RASGRP2: variants seen among roughly 807,000 people sequenced by gnomAD.
RASGRP2 encodes RAS guanyl-releasing protein 2.
In RASGRP2, 44 loss-of-function variants were observed where a neutral mutation model predicts 71.0. That is an observed-to-expected ratio of 0.62 (90% confidence interval 0.49 to 0.80). The LOEUF (loss-of-function observed/expected upper bound fraction) is 0.80. Ranked by LOEUF, RASGRP2 falls within the 30% of genes least tolerant of loss-of-function variation. RASGRP2 has a pLI of 0.00. For missense variants in RASGRP2, 663 were observed against 813.4 expected, an observed-to-expected ratio of 0.82 and a Z score of 2.25; for synonymous variants, 350 against 330.7, an observed-to-expected ratio of 1.06 and a Z score of -0.63.
At chr11:64,727,501 G>C in intron 15 of RASGRP2, 141 bp from the exon 16 acceptor site, 48 of 518,596 alleles carry the variant, frequency 9.3e-5, no homozygotes, top group East Asian at 2.2e-4. Context: ...TGACCTCACA[G>C]CCCAATTTTT....
rs34152691 is a variant in RASGRP2, at chr11:64,729,713, CAAAA to C, written c.1591+45_1591+48del. 93,686 of 1,575,082 alleles carry C rather than the reference CAAAA, an allele frequency of 0.059. 3,323 individuals are homozygous for C. The highest frequency in any genetic ancestry group is 0.067 in the Non-Finnish European group (77,589 of 1,153,790). On this transcript the variant is annotated intron_variant, in intron 14 of 16. Transcript: ENST00000394432. ...ACAGTAACTCTCCCAAACAAACAAA[CAAAA>C]AAAAAAAACACTGCCCAGCAGCCCT...
chr11:64,742,741 G>A lies in RASGRP2; in HGVS notation c.73+53C>T. ...ACTGTGCCTGGGAGGCAGGGACCCG[G>A]GCTCAGACTCGGGGCTAGGCTCAGG... On this transcript the variant is annotated intron_variant, in intron 2 of 16. Transcript: ENST00000394432. The surrounding 1 kb of genome is among the most constrained non-coding windows in gnomAD (Gnocchi z 4.7). The A allele has an allele frequency of 6.4e-7, 1 of 1,564,766 alleles. No individual in the cohort carries two copies. Among genetic ancestry groups the A allele is most frequent in the Non-Finnish European group, 8.7e-7 (1 of 1,155,048 alleles).
rs775526367 is a variant in RASGRP2, at chr11:64,735,250, C to T, written c.1297-23G>A. On this transcript the variant is annotated intron_variant, in intron 11 of 16. Transcript: ENST00000394432. The surrounding 1 kb of genome is among the most constrained non-coding windows in gnomAD (Gnocchi z 4.2). ...AGACTGGGGCACGCAGAGGGACACG[C>T]AGAGCCAGAAGAGGGGAGAGTAAAG... 20 of 1,583,986 alleles carry T rather than the reference C, an allele frequency of 1.3e-5. No homozygotes were observed. The highest frequency in any genetic ancestry group is 1.1e-5 in the Non-Finnish European group (13 of 1,152,664).
chr11:64,739,919 C>A lies in RASGRP2; in HGVS notation c.522+94G>T. 2 of 1,608,712 alleles carry A rather than the reference C, an allele frequency of 1.2e-6. No individual in the cohort carries two copies. Among genetic ancestry groups the A allele is most frequent in the South Asian group, 1.1e-5 (1 of 90,710 alleles). On this transcript the variant is annotated intron_variant, in intron 6 of 16. Coordinates refer to ENST00000394432, the MANE Select transcript of RASGRP2 (RefSeq NM_001098671.2). The surrounding 1 kb of genome is among the most constrained non-coding windows in gnomAD (Gnocchi z 4.2). ...TGGTTACACTGAAACCCCTGATGCA[C>A]CCTGTGACCCAGCCTACGCCAGGGA... is the stretch of plus-strand genomic sequence containing the variant.
chr11:64,738,730 C>T (rs893677677), intron 8 of RASGRP2, among the ~76,000 whole-genome samples: 4 of 152,090 alleles, frequency 2.6e-5, no homozygotes, highest in Admixed American at 6.6e-5. Flanking sequence ...TGAGCTACTA[C>T]GCCCAGTCTC....
Position 64,736,921 on chromosome 11 carries a change from C to G in RASGRP2, c.927G>C (p.Lys309Asn). ...FRFPILGVHL[K>N]DLVALQLALP... Reference sequence around the variant, plus strand: ...GTGCCAGCTGCAGGGCCACCAGGTCCTTGAGGTGCACACCCAGGATCGGGA... The same window carrying G: ...GTGCCAGCTGCAGGGCCACCAGGTCGTTGAGGTGCACACCCAGGATCGGGA... The change falls in exon 9 of 17, where the codon AAG (lysine) becomes AAC (asparagine). Residue 309 changes from lysine to asparagine, a missense_variant. Lys to Asn is a moderately conservative substitution (Grantham distance 94, BLOSUM62 0). Transcript: ENST00000394432. The G allele has an allele frequency of 6.2e-7, 1 of 1,613,980 alleles. No individual in the cohort carries two copies. The highest frequency in any genetic ancestry group is 8.5e-7 in the Non-Finnish European group (1 of 1,180,048).
intron 15 of RASGRP2, 127 bp from the exon 16 acceptor site, chr11:64,727,487 T>C: frequency 1.5e-6 from 1 of 664,826 alleles, no homozygotes. Context: ...ATCAATTCCC[T>C]GCATGACCTC....
Position 64,742,723 on chromosome 11 carries a change from C to G in RASGRP2, c.73+71G>C. On this transcript the variant is annotated intron_variant, in intron 2 of 16. Transcript: ENST00000394432. The surrounding 1 kb of genome is among the most constrained non-coding windows in gnomAD (Gnocchi z 4.7). ...GTCAGGGCTGTGCCCTGGACTGTGCCTGGGAGGCAGGGACCCGGGCTCAGA... is the reference window on the plus strand; with the variant it reads ...GTCAGGGCTGTGCCCTGGACTGTGCGTGGGAGGCAGGGACCCGGGCTCAGA... The G allele has an allele frequency of 6.4e-7, 1 of 1,552,356 alleles. No individual in the cohort carries two copies. The highest frequency in any genetic ancestry group is 8.7e-7 in the Non-Finnish European group (1 of 1,147,634).
At chr11:64,734,904 C>G (rs1565506577) in intron 12 of RASGRP2, among the ~76,000 whole-genome samples, 1 of 152,194 alleles carries the variant, frequency 6.6e-6, no homozygotes, top group Non-Finnish European at 1.5e-5. Flanking sequence ...TGGAGCCCCC[C>G]ATCTGTCTGA....
At position 64,729,650 on chromosome 11, in the gene RASGRP2, T is replaced by G; in HGVS notation, c.1591+112A>C. The G allele has an allele frequency of 1.0e-5, 14 of 1,359,862 alleles. No homozygotes were observed. The South Asian group carries it at 1.6e-4, about 16-fold the overall frequency. 84.2% of individuals were successfully genotyped at this position (1,359,862 alleles called of 1,614,324 possible). A position where few individuals can be genotyped will look rare whatever the true frequency, so the allele number is the denominator to read the frequency against. On this transcript the variant is annotated intron_variant, in intron 14 of 16. Coordinates refer to ENST00000394432, the MANE Select transcript of RASGRP2 (RefSeq NM_001098671.2). ...CCATGCCCGGCCATGCGCCTCTGAT[T>G]TTAAGGTACTTCACTCCTTGGCAAT...
chr11:64,741,318 C>T, intron 4 of RASGRP2, 121 bp downstream of exon 4: 1 of 1,226,120 alleles, frequency 8.2e-7, no homozygotes, highest in Non-Finnish European at 1.2e-6. Flanking sequence ...ACTGCCCACC[C>T]GGACAAGCCA....
intron 5 of RASGRP2, 99 bp downstream of exon 5, chr11:64,740,849 A>C: frequency 6.7e-7 from 1 of 1,500,252 alleles, no homozygotes; most frequent in East Asian, 2.3e-5. Context: ...GCGAGAGAGC[A>C]ACATGACCCT....
Position 64,742,985 on chromosome 11 carries a change from G to T in RASGRP2, c.-71-48C>A, listed in dbSNP as rs936393883. On this transcript the variant is annotated intron_variant, in intron 1 of 16. Coordinates refer to ENST00000394432, the MANE Select transcript of RASGRP2 (RefSeq NM_001098671.2). The surrounding 1 kb of genome is among the most constrained non-coding windows in gnomAD (Gnocchi z 4.7). The stretch of plus-strand genomic sequence containing the variant: ...GGAGTCTGCGGAGTCGCGGGCGGGG[G>T]AGCGGCCCCGCGGGCAGAAACGGGG... 2.0e-6 allele frequency: 3 copies of T among 1,505,462 alleles called. No individual in the cohort carries two copies. The highest frequency in any genetic ancestry group is 2.5e-5 in the South Asian group (2 of 80,540). The allele number at this position is 1,505,462 out of a possible 1,614,324, so 93.3% of individuals were successfully genotyped here.
rs1437336367 is a variant in RASGRP2 at position 64,730,166 on chromosome 11, C to A, written c.1441G>T (p.Val481Phe). The change falls in exon 13 of 17, where the codon GTT becomes TTT. Residue 481 changes from valine (V) to phenylalanine (F), a missense_variant. By Grantham distance (50) the Val-to-Phe change is conservative. Transcript: ENST00000394432. ...QDGCISREEMVSYFLRSSSVL... is the reference protein window; with the variant it reads ...QDGCISREEMFSYFLRSSSVL... Reference sequence around the variant, plus strand: ...GAGCTGGAGCGCAGGAAATAGGAAACCATCTCCTCCCTGCTGATGCAGCCA... The same window carrying A: ...GAGCTGGAGCGCAGGAAATAGGAAAACATCTCCTCCCTGCTGATGCAGCCA... 8 of 1,551,544 alleles carry A rather than the reference C, an allele frequency of 5.2e-6. No homozygotes were observed. Among genetic ancestry groups the A allele is most frequent in the Non-Finnish European group, 6.1e-6 (7 of 1,147,012 alleles).
In RASGRP2 at chr11:64,736,748, C is replaced by T. The variant is rs756381671; in HGVS notation, c.1095+5G>A. 6.3e-7 allele frequency: 1 copy of T among 1,576,266 alleles called. No homozygotes were observed. The highest frequency in any genetic ancestry group is 1.2e-5 in the South Asian group (1 of 86,690). On this transcript the variant is annotated splice_donor_5th_base_variant and intron_variant, in intron 9 of 16. Transcript: ENST00000394432. The stretch of plus-strand genomic sequence containing the variant: ...CTCCCCACCTCCCTGCCCCCTGCTC[C>T]TCACCGTGAGCAGGCTCAGCAGGTC...
At chr11:64,740,557 A>C (rs777085336) in intron 5 of RASGRP2, 3 of 645,080 alleles carry the variant, frequency 4.7e-6, no homozygotes, top group Non-Finnish European at 8.8e-6. Flanking sequence ...AGAGGTGGGA[A>C]CGACAAATTC....
At position 64,730,057 on chromosome 11, in the gene RASGRP2, G is replaced by A. The variant is rs908204032; in HGVS notation, c.1550C>T (p.Ala517Val). 6.4e-7 allele frequency: 1 copy of A among 1,552,148 alleles called. No homozygotes were observed. Among genetic ancestry groups the A allele is most frequent in the Non-Finnish European group, 8.7e-7 (1 of 1,148,420 alleles). The change falls in exon 13 of 17, where the codon GCC becomes GTC. Residue 517 changes from alanine (A) to valine (V), a missense_variant. Ala to Val is a moderately conservative substitution (Grantham distance 64). Coordinates refer to ENST00000394432, the MANE Select transcript of RASGRP2 (RefSeq NM_001098671.2). ...LRPVACRHCKALILGIYKQGL... is the reference protein window; with the variant it reads ...LRPVACRHCKVLILGIYKQGL... Reference sequence around the variant, plus strand: ...AGCCGGGAAAGGGACTCTCACCAGGGCTTTGCAGTGGCGGCAGGCGACGGG... The same window carrying A: ...AGCCGGGAAAGGGACTCTCACCAGGACTTTGCAGTGGCGGCAGGCGACGGG...
chr11:64,741,519 G>T lies in RASGRP2; in HGVS notation c.177-18C>A. 6.4e-7 allele frequency: 1 copy of T among 1,561,730 alleles called. No individual in the cohort carries two copies. The highest frequency in any genetic ancestry group is 8.7e-7 in the Non-Finnish European group (1 of 1,147,568). ...GTTGGTAGGTGAAGGAGAGGGTTAA[G>T]GAGGCCGCTTAACTCTAGAAAGGGA... On this transcript the variant is annotated intron_variant, in intron 3 of 16. Coordinates refer to ENST00000394432, the MANE Select transcript of RASGRP2 (RefSeq NM_001098671.2).
chr11:64,735,799 A>G lies in RASGRP2; in HGVS notation c.1173+104T>C. ...CCTACCCCCAGGATGCCTCTGTCCT[A>G]CAAGATGGATGGGTGAGGTGGCTGC... On this transcript the variant is annotated intron_variant, in intron 10 of 16. Coordinates refer to ENST00000394432, the MANE Select transcript of RASGRP2 (RefSeq NM_001098671.2). The surrounding 1 kb of genome is among the most constrained non-coding windows in gnomAD (Gnocchi z 4.2). 2 of 1,482,242 alleles carry G rather than the reference A, an allele frequency of 1.3e-6. No homozygotes were observed. Among genetic ancestry groups the G allele is most frequent in the Non-Finnish European group, 1.8e-6 (2 of 1,081,830 alleles). 91.8% of individuals were successfully genotyped at this position (1,482,242 alleles called of 1,614,324 possible).
Sources: allele counts gnomAD v4.1 joint callset (sites outside exome capture counted in the v4.1 genomes callset), GRCh38; gene constraint gnomAD v4.1.1; non-coding constraint Gnocchi (gnomAD v3.1); transcripts MANE v1.5; gene names NCBI Gene and HGNC (gene_info 2026-07-23, HGNC 2026-07-21).